Variants in YTHDF2 observed in about 807,000 individuals in gnomAD.
The protein encoded by YTHDF2 is YTH N6-methyladenosine RNA binding protein F2.
Under a neutral mutation model 50.4 loss-of-function variants are expected in YTHDF2, and 2 were observed. The observed-to-expected ratio is 0.04, with a 90% confidence interval of 0.02 to 0.12. The LOEUF is 0.12. YTHDF2 is among the 10% of genes least tolerant of loss of function. The probability of loss-of-function intolerance (pLI) is 1.00; values close to 1 mark genes in which losing one functional copy is unlikely to be tolerated. For missense variants in YTHDF2, 483 were observed against 722.6 expected (o/e 0.67, Z 3.80); for synonymous variants, 217 against 255.6 (o/e 0.85, Z 1.44).
At chr1:28,737,446 C>G (rs977838690) in intron 1 of YTHDF2, 19 of 682,048 alleles carry the variant, frequency 2.8e-5, no homozygotes, top group Admixed American at 6.7e-5. Context: ...CTCGCGTCGC[C>G]GGTGGCGCGT....
chr1:28,755,758 G>A (rs2088027162), intron 4 of YTHDF2, among the ~76,000 whole-genome samples: 1 of 152,204 alleles, frequency 6.6e-6, no homozygotes, highest in Admixed American at 6.5e-5. Flanking sequence ...ATGCCCCAAA[G>A]TCTGAAACTG....
intron 4 of YTHDF2, among the ~76,000 whole-genome samples, chr1:28,763,440 GTTT>G (rs941418569): frequency 2.6e-5 from 4 of 151,668 alleles, no homozygotes; most frequent in Non-Finnish European, 5.9e-5. Context: ...GGGCTGGCTA[GTTT>G]TTTATTTATT....
chr1:28,737,166 T>G lies in YTHDF2; in HGVS notation c.27+19T>G, dbSNP rs756120802. 3.0e-5 allele frequency: 48 copies of G among 1,577,822 alleles called. No individual in the cohort carries two copies. The highest frequency in any genetic ancestry group is 2.6e-6 in the Non-Finnish European group (3 of 1,164,832). On this transcript the variant is annotated intron_variant, in intron 1 of 4. Coordinates refer to ENST00000373812, the MANE Select transcript of YTHDF2 (RefSeq NM_016258.3). ...GGAGCAGGTACAGGCCCGGCCCGCATGCCTCGGCCATTGTGTGAGGCGAGA... is the reference window on the plus strand; with the variant it reads ...GGAGCAGGTACAGGCCCGGCCCGCAGGCCTCGGCCATTGTGTGAGGCGAGA...
At chr1:28,762,204 A>G (rs2088146820) in intron 4 of YTHDF2, among the ~76,000 whole-genome samples, 1 of 152,066 alleles carries the variant, frequency 6.6e-6, no homozygotes, top group Admixed American at 6.5e-5. Context: ...CATCCTGGCT[A>G]ACACGGTGAA....
intron 4 of YTHDF2, among the ~76,000 whole-genome samples, chr1:28,748,286 A>T (rs1208918429): frequency 6.6e-6 from 1 of 152,192 alleles, no homozygotes; most frequent in South Asian, 2.1e-4. Flanking sequence ...CTGTTCTTAC[A>T]ATCTTTATTA....
At chr1:28,756,546 C>G (rs892706469) in intron 4 of YTHDF2, among the ~76,000 whole-genome samples, 1 of 152,006 alleles carries the variant, frequency 6.6e-6, no homozygotes, top group Non-Finnish European at 1.5e-5. Flanking sequence ...CAGAAGATAC[C>G]TGAAGCATCT....
chr1:28,756,711 T>G (rs78313207), intron 4 of YTHDF2, among the ~76,000 whole-genome samples: 3,072 of 152,166 alleles, frequency 0.02, 47 homozygotes, highest in Non-Finnish European at 0.03. Flanking sequence ...GTTGGGTGAT[T>G]TAGTCTGGGC....
Position 28,737,055 on chromosome 1 carries a change from C to G in YTHDF2, c.-66C>G. On this transcript the variant is annotated 5_prime_UTR_variant, in exon 1 of 5. Transcript: ENST00000373812. Reference sequence around the variant, plus strand: ...TCCGCCTGCTCCCGCAGACGGGGCTCATCTGCCGCCGCCGCCGCGCTGAGG... The same window carrying G: ...TCCGCCTGCTCCCGCAGACGGGGCTGATCTGCCGCCGCCGCCGCGCTGAGG... 1 of 1,550,346 alleles carries G rather than the reference C, an allele frequency of 6.5e-7. No individual in the cohort carries two copies. The highest frequency in any genetic ancestry group is 8.7e-7 in the Non-Finnish European group (1 of 1,148,460).
At chr1:28,738,867 G>A (rs1158356784) in intron 3 of YTHDF2, among the ~76,000 whole-genome samples, 5 of 152,268 alleles carry the variant, frequency 3.3e-5, no homozygotes, top group Non-Finnish European at 2.9e-5. Flanking sequence ...GTCCTAGGCC[G>A]TTGAGATTCC....
chr1:28,752,569 C>G (rs1275803843), intron 4 of YTHDF2, among the ~76,000 whole-genome samples: 2 of 151,290 alleles, frequency 1.3e-5, no homozygotes, highest in Admixed American at 1.3e-4. Flanking sequence ...GCTGGGATTA[C>G]AGGTGTGAGC....
chr1:28,744,388 C>T (rs995980176), intron 4 of YTHDF2, among the ~76,000 whole-genome samples: 2 of 152,122 alleles, frequency 1.3e-5, no homozygotes, highest in Non-Finnish European at 2.9e-5. Flanking sequence ...TTAACTTGGC[C>T]TAGCTGGGGT....
upstream of YTHDF2, chr1:28,736,892 G>A (rs2087695625): frequency 1.9e-6 from 1 of 533,394 alleles, no homozygotes; most frequent in Admixed American, 3.7e-5. Flanking sequence ...GCGGTGGGGG[G>A]CGGGCGCGCG....
Position 28,743,139 on chromosome 1 carries a change from A to G in YTHDF2, c.869A>G (p.Gln290Arg), listed in dbSNP as rs1337270790. Residue 290 changes from glutamine to arginine, a missense_variant, in exon 4 of 5, where the codon CAG becomes CGG. Coordinates refer to ENST00000373812, the MANE Select transcript of YTHDF2 (RefSeq NM_016258.3). The surrounding 1 kb of genome is among the most constrained non-coding windows in gnomAD (Gnocchi z 6.9). Reference protein sequence around the residue: ...NKGPVAKAPSQALVQNIGQPT... With the variant: ...NKGPVAKAPSRALVQNIGQPT... Reference sequence around the variant, plus strand: ...GGTCCCGTTGCAAAAGCCCCCTCACAGGCTTTGGTTCAGAATATAGGTCAG... The same window carrying G: ...GGTCCCGTTGCAAAAGCCCCCTCACGGGCTTTGGTTCAGAATATAGGTCAG... 1.2e-6 allele frequency: 2 copies of G among 1,614,180 alleles called. No individual in the cohort carries two copies. The highest frequency in any genetic ancestry group is 8.5e-7 in the Non-Finnish European group (1 of 1,180,034).
chr1:28,743,994 A>G lies in YTHDF2; in HGVS notation c.1716+8A>G, dbSNP rs1557541610. On this transcript the variant is annotated splice_region_variant and intron_variant, in intron 4 of 4. Coordinates refer to ENST00000373812, the MANE Select transcript of YTHDF2 (RefSeq NM_016258.3). The surrounding 1 kb of genome is among the most constrained non-coding windows in gnomAD (Gnocchi z 6.9). The stretch of plus-strand genomic sequence containing the variant: ...GAAGAAAGTGTTAAAAAGGTAACCC[A>G]CTTCTTCTTATTAAGATTTTTAGGG... The G allele has an allele frequency of 2.0e-6, 3 of 1,524,252 alleles. No homozygotes were observed. Among genetic ancestry groups the G allele is most frequent in the Admixed American group, 2.3e-5 (1 of 44,198 alleles). The allele number at this position is 1,524,252 out of a possible 1,614,324, so 94.4% of individuals were successfully genotyped here.
At position 28,742,645 on chromosome 1, in the gene YTHDF2, T is replaced by C; in HGVS notation, c.375T>C (p.Phe125=). Reference sequence around the variant, plus strand: ...TTGGTCAGCATGGTTTTAATTTCTTTCCCAGTGGGATTGACTTCTCAGCAT... The same window carrying C: ...TTGGTCAGCATGGTTTTAATTTCTTCCCCAGTGGGATTGACTTCTCAGCAT... ...PFLGQHGFNF[F]PSGIDFSAWG... is the part of the protein sequence containing the mutation. Residue 125 remains phenylalanine (F), a synonymous_variant, in exon 4 of 5, where the codon TTT becomes TTC. Transcript: ENST00000373812. 6.2e-7 allele frequency: 1 copy of C among 1,614,148 alleles called. No individual in the cohort carries two copies. The highest frequency in any genetic ancestry group is 8.5e-7 in the Non-Finnish European group (1 of 1,180,008).
intron 3 of YTHDF2, among the ~76,000 whole-genome samples, chr1:28,739,746 T>C (rs1156547642): frequency 6.6e-6 from 1 of 152,224 alleles, no homozygotes; most frequent in Non-Finnish European, 1.5e-5. Context: ...TTGGAGGTTT[T>C]TGTGGCATAG....
intron 4 of YTHDF2, among the ~76,000 whole-genome samples, chr1:28,753,291 G>C (rs770893002): frequency 7.2e-6 from 1 of 139,594 alleles, no homozygotes; most frequent in African/African-American, 2.7e-5. Flanking sequence ...GGAGGCTGCA[G>C]CAAGAGAATC....
intron 4 of YTHDF2, among the ~76,000 whole-genome samples, chr1:28,747,493 A>G (rs1033813007): frequency 1.3e-5 from 2 of 151,136 alleles, no homozygotes; most frequent in African/African-American, 4.9e-5. Flanking sequence ...AGCCATTGCA[A>G]TCCAGCCTGG....
chr1:28,743,124 C>G lies in YTHDF2; in HGVS notation c.854C>G (p.Ala285Gly), dbSNP rs746806671. 1.7e-5 allele frequency: 28 copies of G among 1,614,056 alleles called. No homozygotes were observed. The African/African-American group carries it at 3.3e-4, about 19-fold the overall frequency. The change falls in exon 4 of 5, where the codon GCA (alanine) becomes GGA (glycine). Residue 285 changes from alanine (A) to glycine (G), a missense_variant. Around this residue, in one of 4 missense-constraint regions of YTHDF2, gnomAD observed 385 missense variants for 475.8 expected, o/e 0.81. Coordinates refer to ENST00000373812, the MANE Select transcript of YTHDF2 (RefSeq NM_016258.3). This position sits in a 1 kb window ranked among gnomAD's most constrained non-coding sequence, Gnocchi z 6.9. ...ACTTGGGATAACAAGGGTCCCGTTG[C>G]AAAAGCCCCCTCACAGGCTTTGGTT... ...IGTWDNKGPV[A>G]KAPSQALVQN...
Sources: gnomAD v4.1 joint callset for allele counts (sites outside exome capture counted in the v4.1 genomes callset) on GRCh38, gnomAD v4.1.1 for gene constraint, gnomAD v4.1.1 regional missense constraint, Gnocchi (gnomAD v3.1) non-coding constraint, MANE v1.5 for transcripts, NCBI Gene and HGNC (gene_info 2026-07-23, HGNC 2026-07-21) for gene names.